GALNT13: variants seen among roughly 807,000 people sequenced by gnomAD.
GALNT13 encodes the protein UDP-GalNAc:polypeptide N-acetylgalactosaminyltransferase 13.
GALNT13 carries 28 observed loss-of-function variants against 64.2 expected under a neutral mutation model. The ratio of observed to expected loss-of-function variants is 0.44; its 90% CI spans 0.32 to 0.60. The LOEUF is 0.60. GALNT13 is among the 20% of genes least tolerant of loss of function. The pLI is 0.05. For synonymous variants in GALNT13, 214 were observed against 224.6 expected (o/e 0.95, Z 0.42); for missense variants, 577 against 669.8 (o/e 0.86, Z 1.53).
At chr2:153,610,736 A>G in the GALNT13 span, among the ~76,000 whole-genome samples, 2 of 152,176 alleles carry the variant, frequency 1.3e-5, no homozygotes, top group Admixed American at 6.6e-5. Flanking sequence ...GGCTGTATAT[A>G]ATAAATGTAG....
chr2:154,019,508 C>G (rs988990304), intron 3 of GALNT13, among the ~76,000 whole-genome samples: 1 of 151,122 alleles, frequency 6.6e-6, no homozygotes, highest in African/African-American at 2.4e-5. Flanking sequence ...GTGACGCACA[C>G]CTGAGGCAGG....
the GALNT13 span, among the ~76,000 whole-genome samples, chr2:153,490,765 G>A: frequency 1.3e-5 from 2 of 151,954 alleles, no homozygotes; most frequent in African/African-American, 4.8e-5. Flanking sequence ...TTCAAGACCA[G>A]GCTGGCCAAT....
chr2:153,723,506 G>A, the GALNT13 span, among the ~76,000 whole-genome samples: 1 of 149,648 alleles, frequency 6.7e-6, no homozygotes, highest in Non-Finnish European at 1.5e-5. Flanking sequence ...AAAAGAGGAA[G>A]TCAAATTGTC....
At chr2:153,611,679 C>CTTTT in the GALNT13 span, among the ~76,000 whole-genome samples, 20 of 104,394 alleles carry the variant, frequency 1.9e-4, no homozygotes, top group African/African-American at 3.6e-4. Flanking sequence ...ACATTTTTAC[C>CTTTT]TTTTTTTTTT....
At chr2:154,154,841 G>A (rs186120861) in intron 4 of GALNT13, among the ~76,000 whole-genome samples, 1 of 151,912 alleles carries the variant, frequency 6.6e-6, no homozygotes, top group East Asian at 1.9e-4. Flanking sequence ...TTCCAGAATA[G>A]GTGACTTACT....
At chr2:153,630,791 ATATATATATATATATATTTTTT>A in the GALNT13 span, among the ~76,000 whole-genome samples, 2 of 13,096 alleles carry the variant, frequency 1.5e-4, no homozygotes, top group Non-Finnish European at 3.0e-4. Context: ...ATATATATAT[ATATATATATATATATATTTTTT>A]TTTTTTTTTT....
the GALNT13 span, among the ~76,000 whole-genome samples, chr2:153,224,197 G>A: frequency 1.3e-5 from 2 of 152,230 alleles, no homozygotes; most frequent in South Asian, 2.1e-4. Flanking sequence ...ATTATCATAG[G>A]TGAATAAATA....
chr2:153,225,512 GAAAT>G, the GALNT13 span, among the ~76,000 whole-genome samples: 1 of 151,982 alleles, frequency 6.6e-6, no homozygotes. Flanking sequence ...ACAAGAAAAA[GAAAT>G]AAAAGATATA....
intron 12 of GALNT13, among the ~76,000 whole-genome samples, chr2:154,439,788 T>C (rs1187311843): frequency 6.6e-6 from 1 of 152,198 alleles, no homozygotes; most frequent in Non-Finnish European, 1.5e-5. Context: ...GGGTTAATTT[T>C]GGGCCTAACA....
At chr2:153,554,656 A>ATGTGTGTGTGTGTGTG in the GALNT13 span, among the ~76,000 whole-genome samples, 35 of 146,258 alleles carry the variant, frequency 2.4e-4, no homozygotes, top group Middle Eastern at 3.5e-3. Context: ...GATGCTGTAT[A>ATGTGTGTGTGTGTGTG]TGTGTGTGTG....
At chr2:154,164,688 G>T (rs984270012) in intron 4 of GALNT13, among the ~76,000 whole-genome samples, 1 of 151,968 alleles carries the variant, frequency 6.6e-6, no homozygotes, top group Non-Finnish European at 1.5e-5. Context: ...TCTTTGTAAG[G>T]AACATAAGAA....
the GALNT13 span, among the ~76,000 whole-genome samples, chr2:153,535,872 G>A: frequency 6.6e-6 from 1 of 152,144 alleles, no homozygotes; most frequent in Non-Finnish European, 1.5e-5. Context: ...ATTGAGGTGG[G>A]AAGGCTAAAC....
At chr2:153,289,383 T>C in the GALNT13 span, among the ~76,000 whole-genome samples, 1 of 152,214 alleles carries the variant, frequency 6.6e-6, no homozygotes, top group Admixed American at 6.5e-5. Context: ...TTTATCTGTA[T>C]AATATAATTT....
At chr2:153,475,658 C>G in the GALNT13 span, among the ~76,000 whole-genome samples, 250 of 152,290 alleles carry the variant, frequency 1.6e-3, no homozygotes, top group African/African-American at 5.7e-3. Flanking sequence ...GTCTGAAACT[C>G]TAAGCATGTG....
At chr2:153,146,072 A>G in the GALNT13 span, among the ~76,000 whole-genome samples, 27 of 151,848 alleles carry the variant, frequency 1.8e-4, no homozygotes, top group East Asian at 2.7e-3. Flanking sequence ...CCAATATTAG[A>G]TCTTCCTTCT....
At chr2:153,133,479 G>GT in the GALNT13 span, among the ~76,000 whole-genome samples, 3 of 151,710 alleles carry the variant, frequency 2.0e-5, no homozygotes, top group African/African-American at 7.3e-5. Context: ...TTGCTTTGCT[G>GT]TTTTTTTTCT....
intron 3 of GALNT13, among the ~76,000 whole-genome samples, chr2:154,093,506 C>T (rs573166067): frequency 2.8e-4 from 42 of 152,022 alleles, no homozygotes; most frequent in African/African-American, 9.6e-4. Flanking sequence ...GTCCAGCATA[C>T]TGTGGCACCA....
the GALNT13 span, among the ~76,000 whole-genome samples, chr2:153,550,208 T>C: frequency 6.6e-6 from 1 of 152,068 alleles, no homozygotes; most frequent in Admixed American, 6.6e-5. Flanking sequence ...CATGTTGACA[T>C]GTAAAAACAA....
chr2:153,346,963 C>T, the GALNT13 span, among the ~76,000 whole-genome samples: 1 of 152,134 alleles, frequency 6.6e-6, no homozygotes, highest in Non-Finnish European at 1.5e-5. Flanking sequence ...GGACCACGTG[C>T]AAGATAAAAA....
Sources: gnomAD v4.1 joint callset for allele counts (sites outside exome capture counted in the v4.1 genomes callset) on GRCh38, gnomAD v4.1.1 for gene constraint, MANE v1.5 for transcripts, NCBI Gene and HGNC (gene_info 2026-07-23, HGNC 2026-07-21) for gene names.